The following FHIT variants were observed in gnomAD, a reference collection of about 807,000 sequenced individuals.
The protein encoded by FHIT is bis(5'-adenosyl)-triphosphatase.
A neutral mutation model predicts 17.9 loss-of-function variants in FHIT; 19 were observed. The ratio of observed to expected loss-of-function variants is 1.06; its 90% confidence interval spans 0.74 to 1.56. The LOEUF is 1.56. Ranked by LOEUF, FHIT falls within the 40% of genes most tolerant of loss-of-function variation. FHIT has a pLI of 0.00. For synonymous variants in FHIT, 81 were observed against 69.7 expected (o/e 1.16, Z -0.81); for missense variants, 248 against 189.2 (o/e 1.31, Z -1.82).
At chr3:61,179,418 T>C (rs1372975381) in intron 2 of FHIT, among the ~76,000 whole-genome samples, 1 of 152,086 alleles carries the variant, frequency 6.6e-6, no homozygotes, top group Non-Finnish European at 1.5e-5. Context: ...CTATTTATTA[T>C]ATAAAATTAG....
Position 59,955,351 on chromosome 3 carries a change from G to T in FHIT, c.280-32937C>A, listed in dbSNP as rs138782951. Among the ~76,000 whole-genome samples the T allele has an allele frequency of 3.3e-3, 500 of 152,184 alleles. 3 individuals are homozygous for T. Among genetic ancestry groups the T allele is most frequent in the African/African-American group, 0.011 (475 of 41,518 alleles). Reference sequence around the variant, plus strand: ...TATTCTTTCTTTCTGGATGTTCCTCGGTCTCCATTGCCAAGTCCTCTTCTA... The same window carrying T: ...TATTCTTTCTTTCTGGATGTTCCTCTGTCTCCATTGCCAAGTCCTCTTCTA... On this transcript the variant is annotated intron_variant, in intron 7 of 9. Coordinates refer to ENST00000492590, the MANE Select transcript of FHIT (RefSeq NM_002012.4).
At chr3:61,028,193 C>G (rs1216284136) in intron 3 of FHIT, among the ~76,000 whole-genome samples, 1 of 152,114 alleles carries the variant, frequency 6.6e-6, no homozygotes, top group Admixed American at 6.5e-5. Context: ...GCTTCAAGTT[C>G]CACCATTATT....
At chr3:60,959,670 G>C (rs1233629826) in intron 3 of FHIT, among the ~76,000 whole-genome samples, 2 of 152,116 alleles carry the variant, frequency 1.3e-5, no homozygotes, top group Non-Finnish European at 2.9e-5. Context: ...CTTCCATGGG[G>C]CTGAGGGAAC....
chr3:60,823,750 A>G (rs984315177), intron 3 of FHIT, among the ~76,000 whole-genome samples: 3 of 152,176 alleles, frequency 2.0e-5, no homozygotes, highest in African/African-American at 7.2e-5. Flanking sequence ...TAGGAAATCA[A>G]TACAGTGTGT....
At chr3:60,512,199 A>G (rs1340691369) in intron 5 of FHIT, among the ~76,000 whole-genome samples, 1 of 152,214 alleles carries the variant, frequency 6.6e-6, no homozygotes, top group Non-Finnish European at 1.5e-5. Flanking sequence ...CAAACCTAGG[A>G]AAAGATTGAC....
At chr3:60,381,259 C>A (rs944848995) in intron 5 of FHIT, among the ~76,000 whole-genome samples, 4 of 152,066 alleles carry the variant, frequency 2.6e-5, no homozygotes, top group Non-Finnish European at 5.9e-5. Flanking sequence ...GGGCAGATCA[C>A]CTGAGGTCAG....
At chr3:60,302,388 A>T (rs537011612) in intron 5 of FHIT, among the ~76,000 whole-genome samples, 145 of 152,226 alleles carry the variant, frequency 9.5e-4, no homozygotes, top group Non-Finnish European at 1.7e-3. Flanking sequence ...CCAACCCTGC[A>T]TAATTTCTCC....
chr3:60,036,765 T>TTTTG (rs201694249), intron 5 of FHIT, among the ~76,000 whole-genome samples: 3 of 151,938 alleles, frequency 2.0e-5, no homozygotes, highest in Admixed American at 6.6e-5. Flanking sequence ...AGTCAACAGG[T>TTTTG]TTTGTTTGTT....
intron 5 of FHIT, among the ~76,000 whole-genome samples, chr3:60,500,269 T>G (rs992830534): frequency 6.6e-6 from 1 of 152,194 alleles, no homozygotes; most frequent in Non-Finnish European, 1.5e-5. Flanking sequence ...AGAGACCACA[T>G]GGCCCAGAAA....
chr3:60,981,976 A>T (rs1710516593), intron 3 of FHIT, among the ~76,000 whole-genome samples: 1 of 152,144 alleles, frequency 6.6e-6, no homozygotes, highest in Admixed American at 6.5e-5. Flanking sequence ...CCTTCACTCC[A>T]TCTCGGCAGA....
intron 5 of FHIT, among the ~76,000 whole-genome samples, chr3:60,488,219 A>G (rs2033921178): frequency 6.6e-6 from 1 of 152,174 alleles, no homozygotes. Flanking sequence ...ATTGAGCTAA[A>G]AGATTATATT....
chr3:60,391,798 G>A (rs866623657), intron 5 of FHIT, among the ~76,000 whole-genome samples: 18 of 152,104 alleles, frequency 1.2e-4, no homozygotes, highest in Middle Eastern at 3.2e-3. Flanking sequence ...TTCATCAAGC[G>A]ATGGATGACT....
intron 4 of FHIT, among the ~76,000 whole-genome samples, chr3:60,751,983 T>C (rs1367578456): frequency 6.6e-6 from 1 of 152,202 alleles, no homozygotes; most frequent in Non-Finnish European, 1.5e-5. Flanking sequence ...AGGAAGATGA[T>C]ATTTGGTTTT....
intron 5 of FHIT, among the ~76,000 whole-genome samples, chr3:60,356,067 C>T (rs1197448150): frequency 6.6e-6 from 1 of 151,970 alleles, no homozygotes. Flanking sequence ...TCACACTGTA[C>T]CAGAGAAAGA....
At chr3:61,093,877 C>G (rs1036453194) in intron 2 of FHIT, among the ~76,000 whole-genome samples, 3 of 152,150 alleles carry the variant, frequency 2.0e-5, no homozygotes, top group Non-Finnish European at 4.4e-5. Context: ...GGTTACTAGT[C>G]TTGTTATATA....
chr3:60,037,443 C>T (rs1416597850), intron 5 of FHIT, among the ~76,000 whole-genome samples: 1 of 148,262 alleles, frequency 6.7e-6, no homozygotes, highest in Non-Finnish European at 1.5e-5. Flanking sequence ...AGTGCAGTGG[C>T]GAAATCTTGG....
intron 5 of FHIT, among the ~76,000 whole-genome samples, chr3:60,234,059 C>T (rs1021681586): frequency 1.3e-5 from 2 of 152,142 alleles, no homozygotes; most frequent in African/African-American, 2.4e-5. Context: ...AGAATACATG[C>T]TCTGAGATCA....
intron 2 of FHIT, among the ~76,000 whole-genome samples, chr3:61,081,663 G>A (rs376790213): frequency 9.2e-5 from 14 of 152,166 alleles, no homozygotes; most frequent in East Asian, 1.9e-4. Flanking sequence ...ATCATGTGAC[G>A]TTCTCCCCTC....
intron 3 of FHIT, among the ~76,000 whole-genome samples, chr3:60,847,065 C>T (rs1422715239): frequency 6.6e-6 from 1 of 152,168 alleles, no homozygotes; most frequent in African/African-American, 2.4e-5. Flanking sequence ...CTCAGGTGAT[C>T]CACCCACCTT....
Sources: gnomAD v4.1 joint callset for allele counts (sites outside exome capture counted in the v4.1 genomes callset) on GRCh38, gnomAD v4.1.1 for gene constraint, MANE v1.5 for transcripts, NCBI Gene and HGNC (gene_info 2026-07-23, HGNC 2026-07-21) for gene names.